CTNND2: variants seen among roughly 807,000 people sequenced by gnomAD.
CTNND2 encodes the protein catenin delta 2.
In CTNND2, 22 loss-of-function variants were observed where a neutral mutation model predicts 144.4. The ratio of observed to expected loss-of-function variants is 0.15; its 90% CI spans 0.11 to 0.22. The LOEUF (loss-of-function observed/expected upper bound fraction) is 0.22. CTNND2 is among the 10% of genes least tolerant of loss of function. The probability of loss-of-function intolerance (pLI) is 1.00; values close to 1 mark genes in which losing one functional copy is unlikely to be tolerated. For missense variants in CTNND2, 1,353 were observed against 1,618.8 expected, an observed-to-expected ratio of 0.84 and a Z score of 2.82; for synonymous variants, 751 against 695.6, an observed-to-expected ratio of 1.08 and a Z score of -1.25.
chr5:11,704,387 ACAGAGAGTAG>A (rs1785598269), intron 2 of CTNND2, among the ~76,000 whole-genome samples: 1 of 152,336 alleles, frequency 6.6e-6, no homozygotes, highest in African/African-American at 2.4e-5. Context: ...GAAACAGATG[ACAGAGAGTAG>A]CAGATGGTTC....
chr5:11,051,870 A>C (rs1393619680), intron 16 of CTNND2, among the ~76,000 whole-genome samples: 1 of 152,210 alleles, frequency 6.6e-6, no homozygotes, highest in African/African-American at 2.4e-5. Context: ...ATAAAATTTG[A>C]TTTTAAAAAT....
chr5:10,995,663 T>C (rs145154412), intron 18 of CTNND2, among the ~76,000 whole-genome samples: 1 of 152,042 alleles, frequency 6.6e-6, no homozygotes, highest in Admixed American at 6.6e-5. Flanking sequence ...CAGTATTTCG[T>C]GTGCTGATGG....
intron 1 of CTNND2, among the ~76,000 whole-genome samples, chr5:11,749,108 T>C (rs947172388): frequency 1.2e-4 from 18 of 151,960 alleles, no homozygotes; most frequent in Non-Finnish European, 8.8e-5. Context: ...ATGGGCCATA[T>C]GAGTAAGACA....
At chr5:11,743,751 G>A (rs1788152061) in intron 1 of CTNND2, among the ~76,000 whole-genome samples, 2 of 152,050 alleles carry the variant, frequency 1.3e-5, no homozygotes, top group Non-Finnish European at 2.9e-5. Flanking sequence ...GTGGAGAGCT[G>A]GTGGGATCTC....
intron 1 of CTNND2, among the ~76,000 whole-genome samples, chr5:11,809,412 T>C (rs1792193695): frequency 6.6e-6 from 1 of 152,210 alleles, no homozygotes; most frequent in Non-Finnish European, 1.5e-5. Flanking sequence ...TTAGAATATC[T>C]ACCAAGAAAA....
At chr5:11,865,919 G>C (rs919359468) in intron 1 of CTNND2, among the ~76,000 whole-genome samples, 2 of 12,326 alleles carry the variant, frequency 1.6e-4, no homozygotes, top group African/African-American at 2.8e-4. Context: ...AAAAAAACGA[G>C]TTCTCCTCTA....
chr5:11,439,744 CTATCTATCT>C (rs2149889971), intron 3 of CTNND2, among the ~76,000 whole-genome samples: 1 of 9,890 alleles, frequency 1.0e-4, no homozygotes, highest in East Asian at 3.9e-3. Context: ...CTAGCTATAT[CTATCTATCT>C]ATCTATCTAT....
At chr5:11,117,297 T>A (rs1174603066) in intron 13 of CTNND2, among the ~76,000 whole-genome samples, 153 bp downstream of exon 13, 1 of 152,188 alleles carries the variant, frequency 6.6e-6, no homozygotes, top group Non-Finnish European at 1.5e-5. Flanking sequence ...AGAAGCCCAG[T>A]CTAAAAGTGT....
At chr5:11,042,785 G>A (rs1440743436) in intron 16 of CTNND2, among the ~76,000 whole-genome samples, 3 of 152,148 alleles carry the variant, frequency 2.0e-5, no homozygotes, top group African/African-American at 7.2e-5. Flanking sequence ...GACCCAAGAA[G>A]GCAGCAAGCC....
At chr5:11,455,595 A>G (rs993595626) in intron 3 of CTNND2, among the ~76,000 whole-genome samples, 1 of 152,246 alleles carries the variant, frequency 6.6e-6, no homozygotes, top group African/African-American at 2.4e-5. Context: ...GAGGCAGCTT[A>G]GAAAGCTCTC....
intron 8 of CTNND2, among the ~76,000 whole-genome samples, chr5:11,361,431 T>C (rs552043704): frequency 6.6e-6 from 1 of 152,302 alleles, no homozygotes; most frequent in South Asian, 2.1e-4. Flanking sequence ...GTTGAAATGA[T>C]AGGTGTGAGC....
intron 3 of CTNND2, among the ~76,000 whole-genome samples, chr5:11,512,335 A>G (rs1374638234): frequency 6.6e-6 from 1 of 152,236 alleles, no homozygotes; most frequent in East Asian, 1.9e-4. Context: ...GTCTCTACAC[A>G]TTGCTGCTGG....
intron 3 of CTNND2, among the ~76,000 whole-genome samples, chr5:11,470,170 T>C (rs1767050176): frequency 6.6e-6 from 1 of 152,190 alleles, no homozygotes; most frequent in Non-Finnish European, 1.5e-5. Context: ...GCACGGTGGC[T>C]CACACCTGTA....
Position 11,645,936 on chromosome 5 carries a change from A to T in CTNND2, c.175-80880T>A, listed in dbSNP as rs10069645. ...CTAGCTTTATTGTTTTATTTTTTTT[A>T]AATTTAAAATCCTATCTTCCACCAT... On this transcript the variant is annotated intron_variant, in intron 2 of 21. Transcript: ENST00000304623. Among the ~76,000 whole-genome samples the T allele has an allele frequency of 9.5e-3, 1,450 of 152,242 alleles. 19 individuals carry two copies. The highest frequency in any genetic ancestry group is 0.031 in the African/African-American group (1,308 of 41,558).
At chr5:11,014,979 A>C (rs2149528783) in intron 18 of CTNND2, among the ~76,000 whole-genome samples, 1 of 152,338 alleles carries the variant, frequency 6.6e-6, no homozygotes, top group African/African-American at 2.4e-5. Flanking sequence ...TGTAGTATGT[A>C]ATTCAGAACT....
intron 2 of CTNND2, among the ~76,000 whole-genome samples, chr5:11,615,150 G>A (rs1780520825): frequency 6.6e-6 from 1 of 152,110 alleles, no homozygotes; most frequent in African/African-American, 2.4e-5. Context: ...TATTAGGTTG[G>A]TGCAAAGGTA....
At chr5:11,211,419 A>G (rs1427805262) in intron 10 of CTNND2, among the ~76,000 whole-genome samples, 1 of 152,232 alleles carries the variant, frequency 6.6e-6, no homozygotes, top group Admixed American at 6.5e-5. Context: ...GCCCTTGTCC[A>G]GGTAAGAGAA....
chr5:11,747,014 T>C (rs1788348439), intron 1 of CTNND2, among the ~76,000 whole-genome samples: 1 of 152,172 alleles, frequency 6.6e-6, no homozygotes, highest in South Asian at 2.1e-4. Context: ...AAACCATATA[T>C]ATTTCTACCA....
At chr5:11,079,685 G>C (rs1749343050) in intron 16 of CTNND2, among the ~76,000 whole-genome samples, 1 of 152,124 alleles carries the variant, frequency 6.6e-6, no homozygotes, top group Admixed American at 6.5e-5. Flanking sequence ...TACCTGCATG[G>C]CTTCCTGTCT....
Sources: gnomAD v4.1 joint callset for allele counts (sites outside exome capture counted in the v4.1 genomes callset) on GRCh38, gnomAD v4.1.1 for gene constraint, MANE v1.5 for transcripts, NCBI Gene and HGNC (gene_info 2026-07-23, HGNC 2026-07-21) for gene names.